The following TUSC3 variants were observed in gnomAD, a reference collection of about 807,000 sequenced individuals.
TUSC3 encodes dolichyl-diphosphooligosaccharide--protein glycosyltransferase subunit TUSC3.
In TUSC3, 45 loss-of-function variants were observed where a neutral mutation model predicts 44.8. The observed-to-expected ratio is 1.00, with a 90% CI of 0.79 to 1.29. The LOEUF is 1.29. Among genes scored for constraint, TUSC3 ranks in the 50% most tolerant of loss-of-function variants. The pLI, the probability that TUSC3 is intolerant of heterozygous loss-of-function variation, is 0.00. For synonymous variants in TUSC3, 212 were observed against 152.9 expected, an observed-to-expected ratio of 1.39 and a Z score of -2.85; for missense variants, 519 against 437.9, an observed-to-expected ratio of 1.19 and a Z score of -1.65.
intron 6 of TUSC3, among the ~76,000 whole-genome samples, chr8:15,690,009 A>G (rs1808829101): frequency 6.6e-6 from 1 of 152,014 alleles, no homozygotes; most frequent in Admixed American, 6.6e-5. Flanking sequence ...AACAATTTAT[A>G]TTTTTTGGGG....
rs577900202 is a variant in TUSC3 at position 15,636,653 on chromosome 8, G to A, written c.308+13404G>A. On this transcript the variant is annotated intron_variant, in intron 2 of 10. Transcript: ENST00000503731. ...GGTTTGTGTGTCCCCAAAGATACGGGGTGTGGTTTGCTGAACATTTGCAGT... is the reference window on the plus strand; with the variant it reads ...GGTTTGTGTGTCCCCAAAGATACGGAGTGTGGTTTGCTGAACATTTGCAGT... 5.9e-5 allele frequency among the ~76,000 whole-genome samples: 9 copies of A among 152,242 alleles called. No homozygotes were observed. The South Asian group carries it at 1.9e-3, about 32-fold the overall frequency.
chr8:15,649,508 T>C (rs946212450), intron 2 of TUSC3, among the ~76,000 whole-genome samples: 6 of 150,558 alleles, frequency 4.0e-5, no homozygotes, highest in Non-Finnish European at 5.9e-5. Flanking sequence ...GGCATGATCC[T>C]GGGAGGCGGA....
chr8:15,760,574 T>C (rs941230975), intron 10 of TUSC3, among the ~76,000 whole-genome samples: 1 of 152,102 alleles, frequency 6.6e-6, no homozygotes, highest in East Asian at 1.9e-4. Context: ...TTCTAAATCA[T>C]TGGGGGGTGG....
At chr8:15,848,187 G>A in the TUSC3 span, among the ~76,000 whole-genome samples, 3 of 152,036 alleles carry the variant, frequency 2.0e-5, no homozygotes, top group Non-Finnish European at 4.4e-5. Flanking sequence ...AACTTACCTG[G>A]CACCTCAGCT....
chr8:15,793,790 T>A, the TUSC3 span, among the ~76,000 whole-genome samples: 1 of 152,144 alleles, frequency 6.6e-6, no homozygotes, highest in East Asian at 1.9e-4. Context: ...ACATATAGGG[T>A]CTCACTAACT....
intron 9 of TUSC3, among the ~76,000 whole-genome samples, chr8:15,753,346 G>A (rs1811786768): frequency 6.6e-6 from 1 of 151,978 alleles, no homozygotes; most frequent in South Asian, 2.1e-4. Flanking sequence ...ACTGTAAATT[G>A]TTCAGCAAGC....
chr8:15,441,509 C>T (rs182547603), intron 1 of TUSC3, among the ~76,000 whole-genome samples: 160 of 152,228 alleles, frequency 1.1e-3, no homozygotes, highest in African/African-American at 3.0e-3. Flanking sequence ...CAGTGATATT[C>T]TTGGAACATA....
chr8:15,602,593 A>G (rs1240903224), intron 1 of TUSC3, among the ~76,000 whole-genome samples: 1 of 151,332 alleles, frequency 6.6e-6, no homozygotes, highest in Admixed American at 6.6e-5. Context: ...ATACTGTGCA[A>G]ATTGCCTAAT....
chr8:15,427,977 T>A, intron 1 of TUSC3, among the ~76,000 whole-genome samples: 1 of 150,896 alleles, frequency 6.6e-6, no homozygotes. Flanking sequence ...ATTTTTTTTT[T>A]ATTATTATAC....
At chr8:15,759,486 T>TA (rs1014042767) in intron 10 of TUSC3, among the ~76,000 whole-genome samples, 55 of 151,478 alleles carry the variant, frequency 3.6e-4, no homozygotes, top group South Asian at 1.7e-3. Context: ...TCAAGATAAA[T>TA]AAAAAAAACA....
At chr8:15,549,445 T>A (rs1231297527) in intron 1 of TUSC3, among the ~76,000 whole-genome samples, 1 of 151,828 alleles carries the variant, frequency 6.6e-6, no homozygotes, top group Non-Finnish European at 1.5e-5. Context: ...GTGCTGGGAT[T>A]ACAGGCGTGA....
intron 6 of TUSC3, among the ~76,000 whole-genome samples, chr8:15,679,761 T>G (rs1357209045): frequency 6.6e-6 from 1 of 152,172 alleles, no homozygotes; most frequent in Non-Finnish European, 1.5e-5. Flanking sequence ...TTGAGTTAAT[T>G]TTGTATATAT....
the TUSC3 span, among the ~76,000 whole-genome samples, chr8:15,846,413 A>G: frequency 2.0e-5 from 3 of 152,260 alleles, no homozygotes; most frequent in East Asian, 1.9e-4. Flanking sequence ...ATAAAGACAC[A>G]TGCACACATA....
intron 2 of TUSC3, among the ~76,000 whole-genome samples, chr8:15,530,769 GT>G (rs1801439202): frequency 6.6e-6 from 1 of 152,160 alleles, no homozygotes; most frequent in South Asian, 2.1e-4. Context: ...TTTGTAATAA[GT>G]TTTTTATATG....
At chr8:15,419,476 A>G (rs1000210388) in intron 1 of TUSC3, among the ~76,000 whole-genome samples, 1 of 152,210 alleles carries the variant, frequency 6.6e-6, no homozygotes, top group Non-Finnish European at 1.5e-5. Flanking sequence ...TTTATTCATA[A>G]ATTTAGCAAA....
At chr8:15,425,298 A>G (rs567864112) in intron 1 of TUSC3, among the ~76,000 whole-genome samples, 1 of 152,254 alleles carries the variant, frequency 6.6e-6, no homozygotes, top group African/African-American at 2.4e-5. Flanking sequence ...TGTGTTGCCA[A>G]CCTCCACAGT....
chr8:15,482,159 C>T (rs939503492), intron 1 of TUSC3, among the ~76,000 whole-genome samples: 15 of 152,118 alleles, frequency 9.9e-5, no homozygotes, highest in Non-Finnish European at 2.1e-4. Flanking sequence ...TAAGTTTTAC[C>T]ATGAGATTGC....
At position 15,608,632 on chromosome 8, in the gene TUSC3, G is replaced by A. The variant is rs114393140; in HGVS notation, c.139-14448G>A. Among the ~76,000 whole-genome samples, 1,381 of 152,222 alleles carry A rather than the reference G, an allele frequency of 9.1e-3. 18 individuals carry two copies. The highest frequency in any genetic ancestry group is 0.031 in the African/African-American group (1,281 of 41,524). On this transcript the variant is annotated intron_variant, in intron 1 of 10. Coordinates refer to ENST00000503731, the MANE Select transcript of TUSC3 (RefSeq NM_006765.4). ...TTATGGGGGTGGTTTCCCCCATGTT[G>A]TTCTTGTGATAGTGCGTGAGTCTCG...
At chr8:15,491,595 G>T (rs966704624) in intron 2 of TUSC3, among the ~76,000 whole-genome samples, 5 of 152,164 alleles carry the variant, frequency 3.3e-5, no homozygotes, top group Non-Finnish European at 7.4e-5. Flanking sequence ...TACATACACT[G>T]TGACAAATAG....
Sources: allele counts gnomAD v4.1 joint callset (sites outside exome capture counted in the v4.1 genomes callset), GRCh38; gene constraint gnomAD v4.1.1; transcripts MANE v1.5; gene names NCBI Gene and HGNC (gene_info 2026-07-23, HGNC 2026-07-21).